Variants in SYT9 observed in about 807,000 individuals in gnomAD.
The protein encoded by SYT9 is synaptotagmin 9.
In SYT9, 22 loss-of-function variants were observed where a neutral mutation model predicts 48.4. That is an observed-to-expected ratio of 0.45 (90% CI 0.32 to 0.65). The LOEUF (loss-of-function observed/expected upper bound fraction) is 0.65. SYT9 is among the 30% of genes least tolerant of loss of function. SYT9 has a pLI of 0.03. For synonymous variants in SYT9, 265 were observed against 245.0 expected (o/e 1.08, Z -0.76); for missense variants, 577 against 622.0 (o/e 0.93, Z 0.77).
At chr11:7,435,985 AAG>A (rs1463284656) in intron 6 of SYT9, 1 of 148,026 alleles carries the variant, frequency 6.8e-6, no homozygotes, top group African/African-American at 2.5e-5. Context: ...CATCTAGAAA[AAG>A]AAAAAAAAAA....
rs557100690 is a variant in SYT9, at chr11:7,464,659, G to A, written c.1468-2133G>A. Among the ~76,000 whole-genome samples the A allele has an allele frequency of 2.0e-5, 3 of 152,310 alleles. No individual in the cohort carries two copies. In the South Asian group the frequency reaches 6.2e-4, roughly 32 times the overall value. On this transcript the variant is annotated intron_variant, in intron 6 of 6. Transcript: ENST00000318881. ...AGACCACATTCATTGGTGACACTGA[G>A]CCTGTTAACAATTTGCTTTCTCTGA...
At chr11:7,270,315 A>T (rs1848270662) in intron 1 of SYT9, among the ~76,000 whole-genome samples, 1 of 152,200 alleles carries the variant, frequency 6.6e-6, no homozygotes, top group Non-Finnish European at 1.5e-5. Flanking sequence ...AATGCAGCTC[A>T]TAAACGCTGT....
At chr11:7,386,570 C>T (rs562343646) in intron 3 of SYT9, among the ~76,000 whole-genome samples, 8 of 152,122 alleles carry the variant, frequency 5.3e-5, no homozygotes, top group African/African-American at 1.7e-4. Context: ...CTGGCCATCA[C>T]AGAAATGCAA....
At chr11:7,322,664 T>G (rs1184415366) in intron 3 of SYT9, among the ~76,000 whole-genome samples, 1 of 152,080 alleles carries the variant, frequency 6.6e-6, no homozygotes, top group Middle Eastern at 3.2e-3. Context: ...GACAAAGTGT[T>G]TGGTTTTTTT....
In SYT9 at chr11:7,252,072, G is replaced by C. The variant is rs569291813; in HGVS notation, c.-115G>C. 7 of 1,209,462 alleles carry C rather than the reference G, an allele frequency of 5.8e-6. No individual in the cohort carries two copies. Among genetic ancestry groups the C allele is most frequent in the South Asian group, 4.6e-5 (2 of 43,876 alleles). 74.9% of individuals were successfully genotyped at this position (1,209,462 alleles called of 1,614,324 possible). The stretch of plus-strand genomic sequence containing the variant: ...CGGGCTCAGGCTCGCACCGTTTCTC[G>C]GCAGGTCCCTGGCGGTGAGCGCGGA... On this transcript the variant is annotated 5_prime_UTR_variant, in exon 1 of 7. Transcript: ENST00000318881. The surrounding 1 kb of genome is among the most constrained non-coding windows in gnomAD (Gnocchi z 6.3).
intron 3 of SYT9, among the ~76,000 whole-genome samples, chr11:7,364,173 C>A (rs72856426): frequency 0.067 from 10,152 of 152,056 alleles, 389 homozygotes; most frequent in Middle Eastern, 0.12. Flanking sequence ...GGATGAGAAG[C>A]AACATTGAAA....
chr11:7,460,650 A>C (rs1176763893), intron 6 of SYT9, among the ~76,000 whole-genome samples: 1 of 152,218 alleles, frequency 6.6e-6, no homozygotes, highest in African/African-American at 2.4e-5. Flanking sequence ...AATGGTGACT[A>C]TAAATTTAAC....
At chr11:7,374,959 C>T (rs1231870771) in intron 3 of SYT9, among the ~76,000 whole-genome samples, 2 of 152,082 alleles carry the variant, frequency 1.3e-5, no homozygotes, top group African/African-American at 4.8e-5. Context: ...CTTTTGTTGC[C>T]ATTGCTTTCG....
chr11:7,359,883 T>G (rs1850098557), intron 3 of SYT9, among the ~76,000 whole-genome samples: 1 of 152,146 alleles, frequency 6.6e-6, no homozygotes, highest in African/African-American at 2.4e-5. Context: ...ATTTTGGCTT[T>G]TGTTACCATT....
chr11:7,358,153 C>A (rs1019590568), intron 3 of SYT9, among the ~76,000 whole-genome samples: 2 of 152,022 alleles, frequency 1.3e-5, no homozygotes, highest in Non-Finnish European at 2.9e-5. Context: ...GGTTAAAGAA[C>A]GACGAATACT....
At chr11:7,262,507 A>C (rs1482816792) in intron 1 of SYT9, among the ~76,000 whole-genome samples, 1 of 152,144 alleles carries the variant, frequency 6.6e-6, no homozygotes, top group East Asian at 1.9e-4. Context: ...GGAACTGTCC[A>C]ACGGTAAGAG....
rs933646521 is a variant in SYT9, at chr11:7,346,981, A to G, written c.1044+33040A>G. ...AAACTAAACACAAAGTTTTGTCTCA[A>G]AGGACCATTTCTGCAGGTGGGTGGG... On this transcript the variant is annotated intron_variant, in intron 3 of 6. Coordinates refer to ENST00000318881, the MANE Select transcript of SYT9 (RefSeq NM_175733.4). Among the ~76,000 whole-genome samples the G allele has an allele frequency of 2.0e-5, 3 of 152,238 alleles. No individual in the cohort carries two copies. In the East Asian group the frequency reaches 5.8e-4, roughly 29 times the overall value.
chr11:7,297,169 C>T (rs1158616850), intron 1 of SYT9, among the ~76,000 whole-genome samples: 1 of 151,888 alleles, frequency 6.6e-6, no homozygotes, highest in East Asian at 1.9e-4. Flanking sequence ...AAAATGGAGA[C>T]TCTGGACCTC....
intron 6 of SYT9, chr11:7,439,508 A>G (rs946860079): frequency 1.5e-4 from 23 of 152,488 alleles, no homozygotes; most frequent in African/African-American, 5.1e-4. Context: ...ATGGGAGTGG[A>G]CCCCAAGGCC....
intron 6 of SYT9, chr11:7,441,020 G>A (rs1361560086): frequency 1.3e-5 from 2 of 152,268 alleles, no homozygotes; most frequent in African/African-American, 4.8e-5. Flanking sequence ...AATCCTAGAT[G>A]TAAGTGATGG....
chr11:7,334,830 T>C (rs1367358954), intron 3 of SYT9, among the ~76,000 whole-genome samples: 1 of 152,248 alleles, frequency 6.6e-6, no homozygotes, highest in Non-Finnish European at 1.5e-5. Flanking sequence ...TTTTTATTGC[T>C]GAGTACTATT....
intron 3 of SYT9, among the ~76,000 whole-genome samples, chr11:7,396,882 C>G (rs1045791305): frequency 1.3e-5 from 2 of 152,082 alleles, no homozygotes; most frequent in African/African-American, 4.8e-5. Flanking sequence ...TATATGACTT[C>G]TATATATTTA....
chr11:7,424,190 G>T (rs1191894432), intron 6 of SYT9, among the ~76,000 whole-genome samples: 1 of 152,186 alleles, frequency 6.6e-6, no homozygotes, highest in Non-Finnish European at 1.5e-5. Flanking sequence ...AATCTTCAAA[G>T]CCAGTGAGTT....
chr11:7,401,198 CT>C (rs569614361), intron 3 of SYT9, among the ~76,000 whole-genome samples: 3 of 151,536 alleles, frequency 2.0e-5, no homozygotes, highest in Non-Finnish European at 2.9e-5. Flanking sequence ...TACTAAACAA[CT>C]TTTTTTTGTA....
Sources: gnomAD v4.1 joint callset for allele counts (sites outside exome capture counted in the v4.1 genomes callset) on GRCh38, gnomAD v4.1.1 for gene constraint, Gnocchi (gnomAD v3.1) non-coding constraint, MANE v1.5 for transcripts, NCBI Gene and HGNC (gene_info 2026-07-23, HGNC 2026-07-21) for gene names.